Variants in WNT11 observed in about 807,000 individuals in gnomAD.
The protein encoded by WNT11 is protein Wnt-11.
WNT11 carries 20 observed loss-of-function variants against 35.6 expected under a neutral mutation model. The ratio of observed to expected loss-of-function variants is 0.56; its 90% CI spans 0.40 to 0.82. The LOEUF (loss-of-function observed/expected upper bound fraction) is 0.82, where lower values mean the gene tolerates loss of function less well. Ranked by LOEUF, WNT11 falls within the 40% of genes least tolerant of loss-of-function variation. WNT11 has a pLI of 0.00. For synonymous variants in WNT11, 200 were observed against 211.9 expected (o/e 0.94, Z 0.49); for missense variants, 459 against 504.4 (o/e 0.91, Z 0.86).
chr11:76,206,141 G>A (rs911184175), intron 1 of WNT11, among the ~76,000 whole-genome samples, 184 bp downstream of exon 1: 1 of 152,140 alleles, frequency 6.6e-6, no homozygotes, highest in Non-Finnish European at 1.5e-5. Flanking sequence ...CTTTTCGCAA[G>A]CCTGCGGGAG....
At chr11:76,192,116 C>A (rs1195825834) in intron 3 of WNT11, among the ~76,000 whole-genome samples, 1 of 152,138 alleles carries the variant, frequency 6.6e-6, no homozygotes, top group Non-Finnish European at 1.5e-5. Context: ...GTATACCAAG[C>A]GCTCTAACAC....
chr11:76,205,493 T>G (rs1369721098), intron 1 of WNT11, among the ~76,000 whole-genome samples: 2 of 152,246 alleles, frequency 1.3e-5, no homozygotes, highest in African/African-American at 2.4e-5. Context: ...CTCACATCTG[T>G]GTCCCCACCA....
At chr11:76,209,170 C>T (rs1001751613), upstream of WNT11, among the ~76,000 whole-genome samples, 1 of 152,096 alleles carries the variant, frequency 6.6e-6, no homozygotes, top group African/African-American at 2.4e-5. Flanking sequence ...GGGCCGGGCG[C>T]GTAGTGGGCC....
At chr11:76,195,699 C>T (rs970883422) in intron 2 of WNT11, among the ~76,000 whole-genome samples, 4 of 152,204 alleles carry the variant, frequency 2.6e-5, no homozygotes, top group South Asian at 2.1e-4. Context: ...GCCATCGGTC[C>T]GAGCCATGGC....
intron 4 of WNT11, among the ~76,000 whole-genome samples, chr11:76,189,165 T>A (rs1296522347): frequency 5.3e-5 from 8 of 152,252 alleles, no homozygotes. Flanking sequence ...TTGGCATCCA[T>A]GAGTTCCCCC....
intron 2 of WNT11, among the ~76,000 whole-genome samples, chr11:76,195,246 C>G (rs1443427544): frequency 6.6e-6 from 1 of 152,250 alleles, no homozygotes; most frequent in Non-Finnish European, 1.5e-5. Flanking sequence ...CAAGTCCTGA[C>G]CCCTGTACCT....
chr11:76,196,818 A>C (rs1010592416), intron 1 of WNT11, 100 bp from the exon 2 acceptor site: 3 of 1,320,234 alleles, frequency 2.3e-6, no homozygotes, highest in African/African-American at 1.5e-5. Context: ...CTTTCCCTCA[A>C]TGGACTTTGC....
In WNT11 at chr11:76,199,082, G is replaced by A. The variant is rs556900437; in HGVS notation, c.84-2364C>T. Among the ~76,000 whole-genome samples the A allele has an allele frequency of 3.0e-4, 45 of 152,206 alleles. 1 individual carries two copies. In the South Asian group the frequency reaches 7.9e-3, roughly 27 times the overall value. On this transcript the variant is annotated intron_variant, in intron 1 of 4. Coordinates refer to ENST00000322563, the MANE Select transcript of WNT11 (RefSeq NM_004626.3). ...CAGGAGGCAGAGGTTTCAGTGAGCC[G>A]AGATTGCACCACTGCACTCCAGCCT...
Position 76,191,698 on chromosome 11 carries a change from C to A in WNT11, c.756G>T (p.Met252Ile). 1 of 1,613,962 alleles carries A rather than the reference C, an allele frequency of 6.2e-7. No individual in the cohort carries two copies. The highest frequency in any genetic ancestry group is 8.5e-7 in the Non-Finnish European group (1 of 1,180,036). The change falls in exon 4 of 5, where the codon ATG becomes ATT. Residue 252 changes from methionine to isoleucine, a missense_variant. By Grantham distance (10) the Met-to-Ile change is conservative. Transcript: ENST00000322563. ...LSATKVVHRP[M>I]GTRKHLVPKD... Reference sequence around the variant, plus strand: ...TGGGCACCAGGTGCTTGCGGGTGCCCATGGGTCGGTGCACTACCTTGGTGG... The same window carrying A: ...TGGGCACCAGGTGCTTGCGGGTGCCAATGGGTCGGTGCACTACCTTGGTGG...
chr11:76,194,450 G>A lies in WNT11; in HGVS notation c.597+117C>T, dbSNP rs1953238091. ...GAGGATGGTGCGAGGCACATCAGGT[G>A]TGGGCCAGTCAGGGCCCGTCCCCCC... On this transcript the variant is annotated intron_variant, in intron 3 of 4. Coordinates refer to ENST00000322563, the MANE Select transcript of WNT11 (RefSeq NM_004626.3). This position sits in a 1 kb window ranked among gnomAD's most constrained non-coding sequence, Gnocchi z 5.4. 4 of 1,224,158 alleles carry A rather than the reference G, an allele frequency of 3.3e-6. No homozygotes were observed. The highest frequency in any genetic ancestry group is 4.5e-6 in the Non-Finnish European group (4 of 889,130). The allele number at this position is 1,224,158 out of a possible 1,614,324, so 75.8% of individuals were successfully genotyped here.
chr11:76,189,585 G>A lies in WNT11; in HGVS notation c.890+1979C>T, dbSNP rs139076035. On this transcript the variant is annotated intron_variant, in intron 4 of 4. Transcript: ENST00000322563. ...CTCTAGAGATACCCCGCATGCACAC[G>A]CCTTTCACAGTTCACCAGGCTCACT... Among the ~76,000 whole-genome samples, 876 of 152,272 alleles carry A rather than the reference G, an allele frequency of 5.8e-3. 6 individuals are homozygous for A. The highest frequency in any genetic ancestry group is 6.7e-3 in the Non-Finnish European group (455 of 68,024).
intron 4 of WNT11, among the ~76,000 whole-genome samples, chr11:76,189,325 G>A (rs1289577397): frequency 6.6e-6 from 1 of 152,174 alleles, no homozygotes; most frequent in African/African-American, 2.4e-5. Flanking sequence ...GGGTGCCTGG[G>A]ACCAGGATTG....
chr11:76,191,279 C>A (rs893519420), intron 4 of WNT11, among the ~76,000 whole-genome samples: 1 of 152,224 alleles, frequency 6.6e-6, no homozygotes, highest in Non-Finnish European at 1.5e-5. Flanking sequence ...TGTCTCTTCC[C>A]ATCTGTCTCC....
At chr11:76,191,914 G>T in intron 3 of WNT11, 58 bp from the exon 4 acceptor site, 1 of 1,534,996 alleles carries the variant, frequency 6.5e-7, no homozygotes, top group East Asian at 2.3e-5. Flanking sequence ...GGCCTGACCC[G>T]GGACCCCAGC....
chr11:76,196,845 T>G, intron 1 of WNT11, 127 bp from the exon 2 acceptor site: 1 of 1,110,442 alleles, frequency 9.0e-7, no homozygotes, highest in African/African-American at 1.6e-5. Context: ...GTTTCCTGGC[T>G]CCTTCCAAAA....
In WNT11 at chr11:76,191,810, G is replaced by T; in HGVS notation, c.644C>A (p.Ser215Tyr). Residue 215 changes from serine (S) to tyrosine (Y), a missense_variant, in exon 4 of 5, where the codon TCT becomes TAT. Physicochemically the swap from Ser to Tyr is moderately radical, Grantham distance 144. Transcript: ENST00000322563. The stretch of plus-strand genomic sequence containing the variant: ...GCAGGTGCGGATGGAGCAGGAGCCA[G>T]ACACCCCATGGCACTTACACTTCAT... The part of the protein sequence containing the change: ...LEMKCKCHGV[S>Y]GSCSIRTCWK... 1 of 1,609,022 alleles carries T rather than the reference G, an allele frequency of 6.2e-7. No individual in the cohort carries two copies.
At chr11:76,209,382 G>A (rs1285171435), upstream of WNT11, among the ~76,000 whole-genome samples, 1 of 65,454 alleles carries the variant, frequency 1.5e-5, no homozygotes, top group Non-Finnish European at 3.0e-5. Context: ...CGGCCGCTGG[G>A]ACCAGGCCAC....
intron 3 of WNT11, among the ~76,000 whole-genome samples, chr11:76,193,480 C>T (rs1269074878): frequency 6.6e-6 from 1 of 152,174 alleles, no homozygotes; most frequent in Non-Finnish European, 1.5e-5. Flanking sequence ...CACTGGGTTT[C>T]ATGAGCAGGG....
At position 76,186,944 on chromosome 11, in the gene WNT11, C is replaced by A. The variant is rs1299130559; in HGVS notation, c.*121G>T. On this transcript the variant is annotated 3_prime_UTR_variant, in exon 5 of 5. Coordinates refer to ENST00000322563, the MANE Select transcript of WNT11 (RefSeq NM_004626.3). Reference sequence around the variant, plus strand: ...GTGAAGGCAAAGCACAAGCCGCCTCCCATGCCTGGCATCTGGAATTCACAA... The same window carrying A: ...GTGAAGGCAAAGCACAAGCCGCCTCACATGCCTGGCATCTGGAATTCACAA... The A allele has an allele frequency of 3.4e-6, 5 of 1,485,230 alleles. No homozygotes were observed. In the East Asian group the frequency reaches 1.2e-4, roughly 36 times the overall value. 92.0% of individuals were successfully genotyped at this position (1,485,230 alleles called of 1,614,324 possible).
Sources: gnomAD v4.1 joint callset for allele counts (sites outside exome capture counted in the v4.1 genomes callset) on GRCh38, gnomAD v4.1.1 for gene constraint, Gnocchi (gnomAD v3.1) non-coding constraint, MANE v1.5 for transcripts, NCBI Gene and HGNC (gene_info 2026-07-23, HGNC 2026-07-21) for gene names.